STK32A: variants seen among roughly 807,000 people sequenced by gnomAD.
The protein encoded by STK32A is serine/threonine kinase 32A.
Under a neutral mutation model 53.2 loss-of-function variants are expected in STK32A, and 41 were observed. The ratio of observed to expected loss-of-function variants is 0.77; its 90% CI spans 0.60 to 1.00. The LOEUF (loss-of-function observed/expected upper bound fraction) is 1.00. STK32A is among the 50% of genes least tolerant of loss of function. The pLI is 0.00. For synonymous variants in STK32A, 166 were observed against 162.8 expected, an observed-to-expected ratio of 1.02 and a Z score of -0.15; for missense variants, 458 against 485.8, an observed-to-expected ratio of 0.94 and a Z score of 0.54.
intron 2 of STK32A, among the ~76,000 whole-genome samples, chr5:147,244,945 T>G (rs113413993): frequency 6.6e-6 from 1 of 152,200 alleles, no homozygotes; most frequent in African/African-American, 2.4e-5. Context: ...TTTGAAGTAC[T>G]TTAAGTTCTG....
chr5:147,243,751 C>T, intron 2 of STK32A, among the ~76,000 whole-genome samples: 1 of 115,500 alleles, frequency 8.7e-6, no homozygotes, highest in East Asian at 2.3e-4. Context: ...AAAAAAACGG[C>T]TTGCTTATTT....
At chr5:147,315,637 A>G (rs1224631232) in intron 4 of STK32A, among the ~76,000 whole-genome samples, 1 of 152,212 alleles carries the variant, frequency 6.6e-6, no homozygotes, top group Non-Finnish European at 1.5e-5. Context: ...AAAATGTTCT[A>G]AAAATGGACA....
intron 4 of STK32A, among the ~76,000 whole-genome samples, chr5:147,286,908 G>A (rs962913157): frequency 2.0e-5 from 3 of 152,234 alleles, no homozygotes; most frequent in East Asian, 1.9e-4. Flanking sequence ...TGAACTGCAC[G>A]GGAGGAACTT....
chr5:147,400,232 A>G, the STK32A span, among the ~76,000 whole-genome samples: 1 of 152,232 alleles, frequency 6.6e-6, no homozygotes, highest in Non-Finnish European at 1.5e-5. Context: ...ATTTAGAGAC[A>G]ATCACTTGTA....
At chr5:147,271,627 T>C (rs1024278845) in intron 2 of STK32A, among the ~76,000 whole-genome samples, 2 of 152,164 alleles carry the variant, frequency 1.3e-5, no homozygotes, top group Admixed American at 1.3e-4. Flanking sequence ...AGAAAGAGAA[T>C]GTGCCCCTGA....
At chr5:147,308,749 A>T (rs901328986) in intron 4 of STK32A, among the ~76,000 whole-genome samples, 13 of 150,694 alleles carry the variant, frequency 8.6e-5, no homozygotes, top group African/African-American at 3.2e-4. Flanking sequence ...TTTAACATGA[A>T]TGAGTACAAT....
intron 4 of STK32A, among the ~76,000 whole-genome samples, chr5:147,282,111 A>G (rs569658158): frequency 1.3e-5 from 2 of 152,348 alleles, no homozygotes; most frequent in Non-Finnish European, 2.9e-5. Flanking sequence ...GGAGCTCTAA[A>G]TCTTAAAACA....
At chr5:147,273,593 G>A (rs1755136999) in intron 2 of STK32A, among the ~76,000 whole-genome samples, 1 of 152,140 alleles carries the variant, frequency 6.6e-6, no homozygotes. Flanking sequence ...ATATAAACTT[G>A]CTAATGAGCA....
At chr5:147,377,453 G>GC (rs1192691034) in intron 11 of STK32A, among the ~76,000 whole-genome samples, 2 of 152,018 alleles carry the variant, frequency 1.3e-5, no homozygotes, top group Non-Finnish European at 2.9e-5. Context: ...TCTTTGAATG[G>GC]CAATATTTTC....
At chr5:147,383,322 A>T in intron 11 of STK32A, 119 bp from the exon 12 acceptor site, 1 of 814,570 alleles carries the variant, frequency 1.2e-6, no homozygotes, top group Non-Finnish European at 2.0e-6. Flanking sequence ...TGAAGATACT[A>T]CTTACTTCTC....
chr5:147,291,515 A>T (rs1048186103), intron 4 of STK32A, among the ~76,000 whole-genome samples: 1 of 151,974 alleles, frequency 6.6e-6, no homozygotes, highest in Admixed American at 6.6e-5. Flanking sequence ...AATGAGCTAT[A>T]CATAGTAGAA....
rs141520109 is a variant in STK32A at position 147,375,104 on chromosome 5, T to C, written c.918T>C (p.Asn306=). The part of the protein sequence containing the change: ...PGFIPNKGRL[N]CDPTFELEEM... ...CTTCCTTGCAGAAAGGCAGGCTGAA[T>C]TGTGATCCTACCTTTGAACTTGAGG... is the stretch of plus-strand genomic sequence containing the variant. The change falls in exon 11 of 13, where the codon AAT becomes AAC. Residue 306 remains asparagine (N), a synonymous_variant. Transcript: ENST00000397936. The C allele has an allele frequency of 1.2e-5, 19 of 1,605,564 alleles. No individual in the cohort carries two copies. The East Asian group carries it at 4.2e-4, about 36-fold the overall frequency.
intron 5 of STK32A, among the ~76,000 whole-genome samples, chr5:147,335,216 A>G (rs1755059333): frequency 6.6e-6 from 1 of 152,200 alleles, no homozygotes; most frequent in Non-Finnish European, 1.5e-5. Context: ...TTACGACTCT[A>G]TAAAGTAGAT....
At chr5:147,340,057 A>G (rs1218635747) in intron 5 of STK32A, among the ~76,000 whole-genome samples, 1 of 152,196 alleles carries the variant, frequency 6.6e-6, no homozygotes, top group Non-Finnish European at 1.5e-5. Context: ...TTGCCAAGGC[A>G]TTTGTAAACT....
intron 2 of STK32A, among the ~76,000 whole-genome samples, chr5:147,257,869 C>A (rs922312653): frequency 6.6e-6 from 1 of 151,946 alleles, no homozygotes; most frequent in Non-Finnish European, 1.5e-5. Flanking sequence ...AAGAAATGGA[C>A]CTTTTGTTTT....
rs563093044 is a variant in STK32A at position 147,305,854 on chromosome 5, CA to C, written c.261-18041del. The stretch of plus-strand genomic sequence containing the variant: ...TTAACATTCTTATTTGTTCTTTTGG[CA>C]AACTCCAAAATATGTGTACTTTTGT... On this transcript the variant is annotated intron_variant, in intron 4 of 12. Coordinates refer to ENST00000397936, the MANE Select transcript of STK32A (RefSeq NM_001112724.2). Among the ~76,000 whole-genome samples the C allele has an allele frequency of 2.3e-3, 343 of 151,836 alleles. 1 individual carries two copies. The highest frequency in any genetic ancestry group is 8.0e-3 in the African/African-American group (330 of 41,402).
downstream of STK32A, chr5:147,392,276 G>A (rs917297411): frequency 6.6e-5 from 10 of 152,206 alleles, no homozygotes; most frequent in East Asian, 1.5e-3. Flanking sequence ...TATTCTAAGG[G>A]GAAATAGTCT....
intron 2 of STK32A, among the ~76,000 whole-genome samples, chr5:147,246,721 A>G (rs1753777998): frequency 6.6e-6 from 1 of 152,222 alleles, no homozygotes; most frequent in East Asian, 1.9e-4. Context: ...TGTGATTTAT[A>G]TGAAAAAATG....
chr5:147,319,845 G>A (rs1358201468), intron 4 of STK32A, among the ~76,000 whole-genome samples: 1 of 152,102 alleles, frequency 6.6e-6, no homozygotes, highest in East Asian at 1.9e-4. Context: ...ATGTTCTCTT[G>A]CTTTTCCTTG....
Sources: gnomAD v4.1 joint callset for allele counts (sites outside exome capture counted in the v4.1 genomes callset) on GRCh38, gnomAD v4.1.1 for gene constraint, MANE v1.5 for transcripts, NCBI Gene and HGNC (gene_info 2026-07-23, HGNC 2026-07-21) for gene names.